Variants in SYT16 observed in about 807,000 individuals in gnomAD.
The protein encoded by SYT16 is synaptotagmin 16, also known as synaptotagmin-16.
Under a neutral mutation model 61.4 loss-of-function variants are expected in SYT16, and 42 were observed. The ratio of observed to expected loss-of-function variants is 0.68; its 90% confidence interval spans 0.53 to 0.89. The LOEUF (loss-of-function observed/expected upper bound fraction) is 0.89. SYT16 is among the 40% of genes least tolerant of loss of function. The pLI, the probability that SYT16 is intolerant of heterozygous loss-of-function variation, is 0.00. For missense variants in SYT16, 804 were observed against 807.3 expected (o/e 1.00, Z 0.05); for synonymous variants, 314 against 302.3 (o/e 1.04, Z -0.40).
intron 1 of SYT16, among the ~76,000 whole-genome samples, chr14:61,861,937 C>A (rs1229793872): frequency 6.6e-6 from 1 of 152,086 alleles, no homozygotes; most frequent in African/African-American, 2.4e-5. Flanking sequence ...AAAATACTGG[C>A]ACAGAGTCAC....
intron 7 of SYT16, among the ~76,000 whole-genome samples, chr14:62,092,698 G>T (rs1322122247): frequency 6.6e-6 from 1 of 151,934 alleles, no homozygotes; most frequent in Non-Finnish European, 1.5e-5. Flanking sequence ...ATAAAAGCCA[G>T]TAGAATGGTG....
intron 3 of SYT16, among the ~76,000 whole-genome samples, chr14:62,069,061 G>T (rs990809512): frequency 6.6e-6 from 1 of 152,218 alleles, no homozygotes; most frequent in Non-Finnish European, 1.5e-5. Context: ...CTCCCAACGT[G>T]CTGGGATTAC....
At chr14:62,094,763 A>T (rs1286550512) in intron 7 of SYT16, among the ~76,000 whole-genome samples, 1 of 152,040 alleles carries the variant, frequency 6.6e-6, no homozygotes, top group East Asian at 1.9e-4. Context: ...AAGATCAGGA[A>T]GACTGTTTTC....
chr14:61,840,953 A>C (rs1029732953), intron 1 of SYT16, among the ~76,000 whole-genome samples: 1 of 152,196 alleles, frequency 6.6e-6, no homozygotes, highest in Non-Finnish European at 1.5e-5. Flanking sequence ...TGGAGGTGTG[A>C]AAAGGAAGAA....
chr14:61,873,910 G>A (rs1310609743), intron 1 of SYT16, among the ~76,000 whole-genome samples: 1 of 152,192 alleles, frequency 6.6e-6, no homozygotes, highest in Non-Finnish European at 1.5e-5. Flanking sequence ...TATGTATTGT[G>A]AAATGTTGGA....
chr14:62,015,471 C>CATAAGGCAAAAAGACAGCATCCTCAG (rs141295945), intron 3 of SYT16, among the ~76,000 whole-genome samples: 1 of 151,950 alleles, frequency 6.6e-6, no homozygotes. Context: ...CTTATGAAGA[C>CATAAGGCAAAAAGACAGCATCCTCAG]ATTTGCCTTG....
chr14:61,914,452 C>A (rs1462522679), intron 1 of SYT16, among the ~76,000 whole-genome samples: 1 of 152,166 alleles, frequency 6.6e-6, no homozygotes, highest in African/African-American at 2.4e-5. Context: ...GAAATCCAGA[C>A]TCATTTATCC....
Position 62,080,962 on chromosome 14 carries a change from A to G in SYT16, c.1122A>G (p.Ala374=), listed in dbSNP as rs777063351. ...SQKLTVTIVR[A]QGLPDKDRSG... ...AGCTCACAGTGACCATTGTGAGGGC[A>G]CAGGGCCTCCCAGATAAGGACCGAA... The change falls in exon 6 of 8, where the codon GCA becomes GCG. Residue 374 remains alanine (A), a synonymous_variant. Coordinates refer to ENST00000683842, the MANE Select transcript of SYT16 (RefSeq NM_001367656.1). 1 of 1,612,682 alleles carries G rather than the reference A, an allele frequency of 6.2e-7. No homozygotes were observed. The highest frequency in any genetic ancestry group is 1.3e-5 in the African/African-American group (1 of 75,028).
intron 1 of SYT16, among the ~76,000 whole-genome samples, chr14:61,901,549 A>T (rs1006180730): frequency 2.6e-5 from 4 of 151,922 alleles, no homozygotes; most frequent in Admixed American, 2.0e-4. Flanking sequence ...TGCCCTATAC[A>T]CTCATCAGAT....
intron 1 of SYT16, among the ~76,000 whole-genome samples, chr14:61,938,900 C>G (rs1435604215): frequency 6.6e-6 from 1 of 152,132 alleles, no homozygotes; most frequent in South Asian, 2.1e-4. Context: ...TTTGGGAGGC[C>G]AAGGCGGGCG....
At chr14:61,817,012 C>CAAAA (rs1463280301) in intron 1 of SYT16, among the ~76,000 whole-genome samples, 5 of 124,048 alleles carry the variant, frequency 4.0e-5, no homozygotes, top group African/African-American at 9.8e-5. Context: ...CTCCGTCACA[C>CAAAA]ACACACACAC....
intron 1 of SYT16, among the ~76,000 whole-genome samples, chr14:61,946,425 A>AG (rs893913719): frequency 2.6e-5 from 4 of 152,136 alleles, no homozygotes; most frequent in Admixed American, 2.6e-4. Flanking sequence ...GGACGGTAGG[A>AG]GGGGGGTGAG....
chr14:61,915,598 A>G (rs993457536), intron 1 of SYT16, among the ~76,000 whole-genome samples: 2 of 152,126 alleles, frequency 1.3e-5, no homozygotes, highest in Non-Finnish European at 2.9e-5. Flanking sequence ...GTATACATAC[A>G]TTTATTAGGT....
intron 3 of SYT16, among the ~76,000 whole-genome samples, chr14:62,043,900 T>C (rs1368090624): frequency 1.3e-5 from 2 of 150,786 alleles, no homozygotes; most frequent in African/African-American, 4.9e-5. Context: ...TTAGAACTCC[T>C]GGCCTCAAGC....
At chr14:62,097,088 CG>C (rs1018673724) in intron 7 of SYT16, among the ~76,000 whole-genome samples, 3 of 152,004 alleles carry the variant, frequency 2.0e-5, no homozygotes, top group African/African-American at 7.3e-5. Flanking sequence ...TGTTTAACTA[CG>C]GGGTACCATG....
At chr14:61,974,637 A>C (rs971549775) in intron 2 of SYT16, among the ~76,000 whole-genome samples, 2 of 152,200 alleles carry the variant, frequency 1.3e-5, no homozygotes, top group East Asian at 3.9e-4. Flanking sequence ...GTAAGGGAAC[A>C]TGAAGGTGGG....
intron 7 of SYT16, among the ~76,000 whole-genome samples, chr14:62,094,392 A>G (rs1191901208): frequency 2.0e-5 from 3 of 152,062 alleles, no homozygotes; most frequent in African/African-American, 7.2e-5. Flanking sequence ...CCCTAAATGC[A>G]GCCAGTAGTA....
At chr14:61,927,217 C>T (rs1280204430) in intron 1 of SYT16, among the ~76,000 whole-genome samples, 1 of 152,188 alleles carries the variant, frequency 6.6e-6, no homozygotes, top group Non-Finnish European at 1.5e-5. Flanking sequence ...TTCATCTCAG[C>T]CTGAGGCTCT....
intron 2 of SYT16, among the ~76,000 whole-genome samples, chr14:61,988,260 CT>C (rs1327662212): frequency 6.6e-6 from 1 of 152,050 alleles, no homozygotes; most frequent in East Asian, 1.9e-4. Context: ...AGAATTCATT[CT>C]TTTTTCATAA....
Sources: gnomAD v4.1 joint callset for allele counts (sites outside exome capture counted in the v4.1 genomes callset) on GRCh38, gnomAD v4.1.1 for gene constraint, MANE v1.5 for transcripts, NCBI Gene and HGNC (gene_info 2026-07-23, HGNC 2026-07-21) for gene names.